Variants in CDH11 observed in about 807,000 individuals in gnomAD.
CDH11 encodes the protein cadherin-11.
In CDH11, 11 loss-of-function variants were observed where a neutral mutation model predicts 67.8. The ratio of observed to expected loss-of-function variants is 0.16; its 90% CI spans 0.10 to 0.27. The LOEUF (loss-of-function observed/expected upper bound fraction) is 0.27. CDH11 is among the 10% of genes least tolerant of loss of function. CDH11 has a pLI of 1.00. For missense variants in CDH11, 847 were observed against 1,031.2 expected (o/e 0.82, Z 2.45); for synonymous variants, 419 against 400.0 (o/e 1.05, Z -0.57).
chr16:64,989,711 C>T (rs539600891), intron 6 of CDH11, among the ~76,000 whole-genome samples: 5 of 152,264 alleles, frequency 3.3e-5, no homozygotes, highest in African/African-American at 1.2e-4. Flanking sequence ...GGGGAAATCA[C>T]TGGAAGGTTT....
chr16:65,050,568 G>A (rs1239510914), intron 2 of CDH11, among the ~76,000 whole-genome samples: 3 of 152,126 alleles, frequency 2.0e-5, no homozygotes, highest in Non-Finnish European at 4.4e-5. Context: ...TCCTTACAGT[G>A]CGATCAAGAA....
intron 1 of CDH11, among the ~76,000 whole-genome samples, chr16:65,078,638 C>T (rs2074557464): frequency 6.6e-6 from 1 of 152,140 alleles, no homozygotes; most frequent in African/African-American, 2.4e-5. Flanking sequence ...GTCTAATAGA[C>T]ATTTTTTTGA....
At chr16:65,100,145 G>A (rs371355596) in intron 1 of CDH11, among the ~76,000 whole-genome samples, 15 of 152,224 alleles carry the variant, frequency 9.9e-5, no homozygotes, top group African/African-American at 3.1e-4. Flanking sequence ...ATCATTTACC[G>A]CTGGTTGGAA....
intron 1 of CDH11, among the ~76,000 whole-genome samples, chr16:65,093,927 T>C (rs558195681): frequency 6.6e-6 from 1 of 152,318 alleles, no homozygotes; most frequent in East Asian, 1.9e-4. Flanking sequence ...GAACCAACTC[T>C]GCCTTAATAA....
upstream of CDH11, among the ~76,000 whole-genome samples, chr16:65,123,343 G>A (rs758080188): frequency 3.9e-5 from 6 of 152,040 alleles, no homozygotes; most frequent in Non-Finnish European, 7.4e-5. Context: ...GCTGGGAAAG[G>A]AGAAGAGATG....
At position 64,945,394 on chromosome 16, in the gene CDH11, C is replaced by T. The variant is rs11864155; in HGVS notation, c.*2209G>A. ...TAAAAAAGACTTCAACATAAAAATG[C>T]GAAAATGTAGTTGTCATCTCTAATC... is the stretch of plus-strand genomic sequence containing the variant. On this transcript the variant is annotated 3_prime_UTR_variant, in exon 13 of 13. Transcript: ENST00000268603. The T allele has an allele frequency of 2.9e-3, 2,989 of 1,030,400 alleles. 80 individuals are homozygous for T. The African/African-American group carries it at 0.047, about 16-fold the overall frequency. The allele number at this position is 1,030,400 out of a possible 1,614,324, so 63.8% of individuals were successfully genotyped here.
intron 2 of CDH11, among the ~76,000 whole-genome samples, chr16:65,036,591 A>T (rs952150307): frequency 2.6e-5 from 4 of 152,034 alleles, no homozygotes; most frequent in Non-Finnish European, 4.4e-5. Context: ...ACCACAACCC[A>T]TGTAAAGGGG....
chr16:65,105,294 G>A (rs1047221171), intron 1 of CDH11, among the ~76,000 whole-genome samples: 22 of 152,168 alleles, frequency 1.4e-4, no homozygotes, highest in African/African-American at 3.4e-4. Context: ...AGGCTGAACC[G>A]AATATAGAGG....
At chr16:65,018,127 T>C (rs2073348442) in intron 2 of CDH11, among the ~76,000 whole-genome samples, 1 of 152,184 alleles carries the variant, frequency 6.6e-6, no homozygotes. Context: ...TATCTGTGCC[T>C]GCAAGTACTT....
intron 11 of CDH11, among the ~76,000 whole-genome samples, chr16:64,971,166 G>A (rs1265146528): frequency 1.3e-5 from 2 of 152,118 alleles, no homozygotes; most frequent in Non-Finnish European, 2.9e-5. Flanking sequence ...AACTGTACTT[G>A]GAAAGGAAGG....
intron 1 of CDH11, among the ~76,000 whole-genome samples, chr16:65,111,520 G>C (rs903716605): frequency 2.0e-5 from 3 of 152,142 alleles, no homozygotes; most frequent in East Asian, 3.9e-4. Flanking sequence ...ATAAACTGTG[G>C]AGCGTAAGTC....
intron 1 of CDH11, among the ~76,000 whole-genome samples, chr16:65,073,355 G>A (rs976915898): frequency 6.6e-6 from 1 of 152,146 alleles, no homozygotes; most frequent in Admixed American, 6.5e-5. Context: ...GCATGATCTT[G>A]GTTCACTACA....
At chr16:64,972,211 G>T (rs2072026549) in intron 9 of CDH11, 147 bp from the exon 10 acceptor site, 2 of 663,630 alleles carry the variant, frequency 3.0e-6, no homozygotes, top group Non-Finnish European at 2.6e-6. Flanking sequence ...TTTAAGAGCT[G>T]AAGGGTGCTG....
intron 2 of CDH11, among the ~76,000 whole-genome samples, chr16:65,021,876 G>GAAAAAA (rs35700448): frequency 2.5e-4 from 27 of 109,816 alleles, no homozygotes; most frequent in East Asian, 5.2e-4. Flanking sequence ...AAGTAACTCA[G>GAAAAAA]AAAAAAAAAA....
chr16:65,065,925 C>T (rs996481197), intron 1 of CDH11, among the ~76,000 whole-genome samples: 2 of 152,190 alleles, frequency 1.3e-5, no homozygotes, highest in Non-Finnish European at 2.9e-5. Flanking sequence ...CATAGATAAC[C>T]CCTATTTGAA....
At chr16:64,973,065 T>A in intron 8 of CDH11, 25 bp from the exon 9 acceptor site, 1 of 1,610,008 alleles carries the variant, frequency 6.2e-7, no homozygotes, top group Non-Finnish European at 8.5e-7. Context: ...AATGAGGCAA[T>A]TAGACCAAGA....
At position 64,971,952 on chromosome 16, in the gene CDH11, C is replaced by T. The variant is rs781337558; in HGVS notation, c.1503G>A (p.Gln501=). ...PYEGFICESD[Q]TKPLSNQPIV... is the part of the protein sequence containing the mutation. Reference sequence around the variant, plus strand: ...TTACCTGGTTGGAAAGTGGCTTGGTCTGATCACTCTCACAGATGAAACCTT... The same window carrying T: ...TTACCTGGTTGGAAAGTGGCTTGGTTTGATCACTCTCACAGATGAAACCTT... Residue 501 remains glutamine, a synonymous_variant, in exon 10 of 13, where the codon CAG becomes CAA. Coordinates refer to ENST00000268603, the MANE Select transcript of CDH11 (RefSeq NM_001797.4). 6.2e-6 allele frequency: 10 copies of T among 1,613,892 alleles called. No homozygotes were observed. Among genetic ancestry groups the T allele is most frequent in the African/African-American group, 1.3e-5 (1 of 74,922 alleles).
intron 1 of CDH11, among the ~76,000 whole-genome samples, chr16:65,061,434 C>T (rs939913026): frequency 8.5e-5 from 13 of 152,122 alleles, no homozygotes; most frequent in African/African-American, 2.7e-4. Flanking sequence ...ATAATGTACT[C>T]ATTTGGCACA....
At chr16:65,081,089 C>T (rs889537995) in intron 1 of CDH11, among the ~76,000 whole-genome samples, 2 of 152,028 alleles carry the variant, frequency 1.3e-5, no homozygotes, top group Non-Finnish European at 2.9e-5. Context: ...GTTGAATATA[C>T]AATAATCGTT....
Sources: allele counts gnomAD v4.1 joint callset (sites outside exome capture counted in the v4.1 genomes callset), GRCh38; gene constraint gnomAD v4.1.1; transcripts MANE v1.5; gene names NCBI Gene and HGNC (gene_info 2026-07-23, HGNC 2026-07-21).